Variants in SH3D19 observed in about 807,000 individuals in gnomAD.
SH3D19 encodes the protein SH3 domain containing 19, also known as SH3 domain-containing protein 19.
A neutral mutation model predicts 112.1 loss-of-function variants in SH3D19; 58 were observed. The observed-to-expected ratio is 0.52, with a 90% confidence interval of 0.42 to 0.64. The LOEUF is 0.64. SH3D19 is among the 30% of genes least tolerant of loss of function. The probability of loss-of-function intolerance (pLI) is 0.00; values close to 1 mark genes in which losing one functional copy is unlikely to be tolerated. For missense variants in SH3D19, 1,090 were observed against 1,263.4 expected (o/e 0.86, Z 2.08); for synonymous variants, 391 against 448.5 (o/e 0.87, Z 1.62).
In SH3D19 at chr4:151,176,965, A is replaced by C. The variant is rs1388928740; in HGVS notation, c.237-10T>G. The C allele has an allele frequency of 1.6e-6, 2 of 1,232,074 alleles. No homozygotes were observed. Among genetic ancestry groups the C allele is most frequent in the African/African-American group, 3.1e-5 (2 of 64,432 alleles). 76.3% of individuals were successfully genotyped at this position (1,232,074 alleles called of 1,614,324 possible). A position where few individuals can be genotyped will look rare whatever the true frequency, so the allele number is the denominator to read the frequency against. On this transcript the variant is annotated splice_polypyrimidine_tract_variant and intron_variant, in intron 4 of 19. Coordinates refer to ENST00000604030, the MANE Select transcript of SH3D19 (RefSeq NM_001378122.1). The stretch of plus-strand genomic sequence containing the variant: ...GGTGATCTCTGGGCGCCTAGTGGAC[A>C]GAAGCCTCAGTGAGGTTTTGCAGAA...
intron 12 of SH3D19, among the ~76,000 whole-genome samples, chr4:151,142,145 C>G (rs182174309): frequency 1.1e-4 from 16 of 152,318 alleles, no homozygotes; most frequent in Non-Finnish European, 1.6e-4. Flanking sequence ...TTAAGAATAG[C>G]TAATATTTAC....
At chr4:151,298,181 A>ATTTTTTTTTTTTTTTTTTTTTTTTTTTT (rs386401883) in intron 1 of SH3D19, among the ~76,000 whole-genome samples, 2 of 94,886 alleles carry the variant, frequency 2.1e-5, no homozygotes, top group African/African-American at 4.2e-5. Flanking sequence ...AGAATAATAA[A>ATTTTTTTTTTTTTTTTTTTTTTTTTTTT]TTTTTTTTTT....
intron 2 of SH3D19, among the ~76,000 whole-genome samples, chr4:151,203,619 C>T (rs937474634): frequency 6.6e-6 from 1 of 152,108 alleles, no homozygotes; most frequent in African/African-American, 2.4e-5. Flanking sequence ...AAAAGTATGC[C>T]AAGGAACTGT....
chr4:151,160,341 C>G (rs1174838123), intron 8 of SH3D19, among the ~76,000 whole-genome samples: 3 of 152,172 alleles, frequency 2.0e-5, no homozygotes, highest in African/African-American at 7.2e-5. Flanking sequence ...CCCGCCTCAG[C>G]CTCCCAAAGT....
chr4:151,266,692 A>G (rs1309305475), intron 1 of SH3D19, among the ~76,000 whole-genome samples: 1 of 152,198 alleles, frequency 6.6e-6, no homozygotes, highest in Admixed American at 6.6e-5. Context: ...AAGAACCCAG[A>G]GACTAGATTG....
chr4:151,163,700 C>T (rs1467542342), intron 8 of SH3D19, among the ~76,000 whole-genome samples: 2 of 151,936 alleles, frequency 1.3e-5, no homozygotes, highest in African/African-American at 4.8e-5. Flanking sequence ...TGTGCCTTAG[C>T]CTCCCAAGTA....
In SH3D19 at chr4:151,175,063, G is replaced by A. The variant is rs748473957; in HGVS notation, c.1141C>T (p.Pro381Ser). The A allele has an allele frequency of 6.2e-7, 1 of 1,614,166 alleles. No homozygotes were observed. Among genetic ancestry groups the A allele is most frequent in the Non-Finnish European group, 8.5e-7 (1 of 1,180,034 alleles). Residue 381 changes from proline to serine, a missense_variant, in exon 7 of 20, where the codon CCT becomes TCT. Pro to Ser is a moderately conservative substitution (Grantham distance 74). Transcript: ENST00000604030. ...GGGTTTGGTTTCTTTGGCAATTCAG[G>A]TTTGGTTACTGGGATGCTTCCCGCT... ...QEAGSIPVTK[P>S]ELPKKPNPGL...
At position 151,226,031 on chromosome 4, in the gene SH3D19, T is replaced by C; in HGVS notation, c.152+16A>G. On this transcript the variant is annotated intron_variant, in intron 2 of 19. Coordinates refer to ENST00000604030, the MANE Select transcript of SH3D19 (RefSeq NM_001378122.1). ...AGAAGCTTTATACAGAATTATTAGA[T>C]ACTGTAAATTCATACCTTGAAGAAC... is the stretch of plus-strand genomic sequence containing the variant. The C allele has an allele frequency of 8.1e-7, 1 of 1,227,986 alleles. No homozygotes were observed. Among genetic ancestry groups the C allele is most frequent in the Non-Finnish European group, 1.0e-6 (1 of 984,214 alleles). The allele number at this position is 1,227,986 out of a possible 1,614,324, so 76.1% of individuals were successfully genotyped here. A position where few individuals can be genotyped will look rare whatever the true frequency, so the allele number is the denominator to read the frequency against.
chr4:151,218,783 C>T (rs907074902), intron 2 of SH3D19, among the ~76,000 whole-genome samples: 2 of 152,100 alleles, frequency 1.3e-5, no homozygotes, highest in Non-Finnish European at 2.9e-5. Context: ...TAAAAATATA[C>T]AACAAACAAT....
intron 1 of SH3D19, among the ~76,000 whole-genome samples, chr4:151,242,240 C>A (rs1770621033): frequency 6.6e-6 from 1 of 152,106 alleles, no homozygotes; most frequent in Non-Finnish European, 1.5e-5. Flanking sequence ...AAGTGGATTT[C>A]TGGTTCTTTA....
chr4:151,301,490 G>A (rs1310481514), intron 1 of SH3D19, among the ~76,000 whole-genome samples: 1 of 152,164 alleles, frequency 6.6e-6, no homozygotes, highest in Non-Finnish European at 1.5e-5. Flanking sequence ...GCCTCCCAAA[G>A]TGCTGGGATT....
chr4:151,258,629 C>G (rs1434896447), intron 1 of SH3D19, among the ~76,000 whole-genome samples: 1 of 152,206 alleles, frequency 6.6e-6, no homozygotes, highest in Non-Finnish European at 1.5e-5. Context: ...ATCCCAGACA[C>G]CCTGCTCTCC....
In SH3D19 at chr4:151,325,478, G is replaced by A. The variant is rs1730958247; in HGVS notation, c.-126C>T. 8 of 366,308 alleles carry A rather than the reference G, an allele frequency of 2.2e-5. No homozygotes were observed. The highest frequency in any genetic ancestry group is 3.6e-5 in the Non-Finnish European group (8 of 219,314). 22.7% of individuals were successfully genotyped at this position (366,308 alleles called of 1,614,324 possible). On this transcript the variant is annotated 5_prime_UTR_variant, in exon 1 of 20. Transcript: ENST00000604030. ...GGGGGAAGGCGGCTCCCGGAGAGGA[G>A]GCGTCGGCGGCGGCTGTGGAAATGG...
chr4:151,180,824 C>T (rs569679818), intron 3 of SH3D19, among the ~76,000 whole-genome samples: 7 of 151,496 alleles, frequency 4.6e-5, no homozygotes, highest in East Asian at 1.9e-4. Flanking sequence ...AGTGCAGTGG[C>T]GCCATCTCGG....
At chr4:151,235,083 G>A (rs980065441) in intron 1 of SH3D19, among the ~76,000 whole-genome samples, 7 of 151,964 alleles carry the variant, frequency 4.6e-5, no homozygotes, top group South Asian at 2.1e-4. Context: ...GGGTGCATGC[G>A]CAGGTTTGTT....
At chr4:151,268,544 A>T (rs1428810716) in intron 1 of SH3D19, among the ~76,000 whole-genome samples, 1 of 144,568 alleles carries the variant, frequency 6.9e-6, no homozygotes, top group Non-Finnish European at 1.5e-5. Flanking sequence ...GCACCCATTA[A>T]CTCGTCATTT....
intron 1 of SH3D19, among the ~76,000 whole-genome samples, chr4:151,306,225 G>A (rs926777096): frequency 5.3e-5 from 8 of 152,128 alleles, no homozygotes; most frequent in Non-Finnish European, 1.0e-4. Flanking sequence ...GAAACTACAT[G>A]TGTAATAAAA....
intron 19 of SH3D19, among the ~76,000 whole-genome samples, chr4:151,126,847 G>A (rs1579617504): frequency 2.1e-5 from 2 of 94,388 alleles, no homozygotes; most frequent in South Asian, 3.8e-4. Flanking sequence ...TTTACTTTAA[G>A]AAGAAATTAG....
intron 1 of SH3D19, among the ~76,000 whole-genome samples, chr4:151,250,109 T>G (rs999382830): frequency 5.3e-5 from 8 of 152,210 alleles, no homozygotes; most frequent in African/African-American, 1.7e-4. Context: ...GTCAAATTTT[T>G]AAATGCAGAT....
Sources: gnomAD v4.1 joint callset for allele counts (sites outside exome capture counted in the v4.1 genomes callset) on GRCh38, gnomAD v4.1.1 for gene constraint, MANE v1.5 for transcripts, NCBI Gene and HGNC (gene_info 2026-07-23, HGNC 2026-07-21) for gene names.